HCN1: variants seen among roughly 807,000 people sequenced by gnomAD.
The protein encoded by HCN1 is hyperpolarization activated cyclic nucleotide gated potassium channel 1.
HCN1 carries 13 observed loss-of-function variants against 78.9 expected under a neutral mutation model. The ratio of observed to expected loss-of-function variants is 0.16; its 90% CI spans 0.11 to 0.26. The LOEUF (loss-of-function observed/expected upper bound fraction) is 0.26. Ranked by LOEUF, HCN1 falls within the 10% of genes least tolerant of loss-of-function variation. The pLI is 1.00. For synonymous variants in HCN1, 552 were observed against 455.5 expected, an observed-to-expected ratio of 1.21 and a Z score of -2.70; for missense variants, 810 against 1,154.3, an observed-to-expected ratio of 0.70 and a Z score of 4.32.
At chr5:45,284,454 T>C (rs971597119) in intron 6 of HCN1, among the ~76,000 whole-genome samples, 4 of 152,122 alleles carry the variant, frequency 2.6e-5, no homozygotes, top group Non-Finnish European at 5.9e-5. Context: ...AACAAAAATA[T>C]ATTTAGTTAA....
intron 4 of HCN1, among the ~76,000 whole-genome samples, chr5:45,365,527 A>AT (rs1274265953): frequency 6.6e-6 from 1 of 151,846 alleles, no homozygotes. Context: ...TGATTAAATT[A>AT]TTTTTTATGG....
At chr5:45,296,988 G>A (rs145975241) in intron 6 of HCN1, among the ~76,000 whole-genome samples, 111 of 152,098 alleles carry the variant, frequency 7.3e-4, no homozygotes, top group Middle Eastern at 6.8e-3. Context: ...TAACCCAGTG[G>A]AGCTAGAAGA....
At chr5:45,482,520 T>G (rs1179590434) in intron 2 of HCN1, among the ~76,000 whole-genome samples, 3 of 152,172 alleles carry the variant, frequency 2.0e-5, no homozygotes, top group African/African-American at 7.2e-5. Flanking sequence ...GGACTATCAA[T>G]AAATGTAATA....
At chr5:45,539,948 ATATATATATAT>A (rs1743063255) in intron 2 of HCN1, among the ~76,000 whole-genome samples, 4 of 138,330 alleles carry the variant, frequency 2.9e-5, no homozygotes, top group South Asian at 2.2e-4. Context: ...ATATATATAT[ATATATATATAT>A]AAAATGTTTA....
At chr5:45,490,363 T>C (rs1025454124) in intron 2 of HCN1, among the ~76,000 whole-genome samples, 10 of 152,220 alleles carry the variant, frequency 6.6e-5, no homozygotes, top group Middle Eastern at 3.2e-3. Flanking sequence ...TGGTCCTTCA[T>C]TGATGCCTGA....
intron 5 of HCN1, among the ~76,000 whole-genome samples, chr5:45,323,019 C>A (rs147555215): frequency 6.6e-6 from 1 of 151,748 alleles, no homozygotes; most frequent in South Asian, 2.1e-4. Context: ...ATTTATTTAA[C>A]GTTAACCCAT....
chr5:45,634,725 A>T (rs559097049), intron 2 of HCN1, among the ~76,000 whole-genome samples: 1 of 152,178 alleles, frequency 6.6e-6, no homozygotes, highest in African/African-American at 2.4e-5. Flanking sequence ...TAGATTAAAG[A>T]TTATCTAGAG....
chr5:45,475,285 C>T (rs1321802055), intron 2 of HCN1, among the ~76,000 whole-genome samples: 1 of 151,970 alleles, frequency 6.6e-6, no homozygotes. Context: ...GCATGCTATG[C>T]TAGCAGAATT....
intron 5 of HCN1, among the ~76,000 whole-genome samples, chr5:45,312,285 C>T (rs1745865245): frequency 6.6e-6 from 1 of 152,154 alleles, no homozygotes; most frequent in Non-Finnish European, 1.5e-5. Flanking sequence ...AAGAATGAAA[C>T]AGCATAATAC....
chr5:45,400,550 C>A (rs1156345142), intron 3 of HCN1, among the ~76,000 whole-genome samples: 1 of 151,546 alleles, frequency 6.6e-6, no homozygotes, highest in Admixed American at 6.6e-5. Context: ...TACCACCATG[C>A]CCAGCTAATT....
At chr5:45,363,273 A>G (rs1196035052) in intron 4 of HCN1, among the ~76,000 whole-genome samples, 1 of 151,104 alleles carries the variant, frequency 6.6e-6, no homozygotes, top group East Asian at 2.0e-4. Context: ...CCAATGGTGG[A>G]AAGTCCATCT....
intron 2 of HCN1, among the ~76,000 whole-genome samples, chr5:45,495,517 T>C (rs1742006607): frequency 6.6e-6 from 1 of 151,978 alleles, no homozygotes; most frequent in African/African-American, 2.4e-5. Context: ...CAATGGGGTT[T>C]TCTAGATATA....
intron 2 of HCN1, among the ~76,000 whole-genome samples, chr5:45,634,186 A>G (rs1262296233): frequency 6.6e-6 from 1 of 151,960 alleles, no homozygotes; most frequent in East Asian, 1.9e-4. Context: ...TTCTGCTCAT[A>G]CAAATGAACA....
intron 2 of HCN1, among the ~76,000 whole-genome samples, chr5:45,611,779 C>A (rs1744842635): frequency 6.6e-6 from 1 of 151,912 alleles, no homozygotes; most frequent in African/African-American, 2.4e-5. Flanking sequence ...TAAAATTATT[C>A]TATTTTAGCA....
chr5:45,625,100 C>T (rs1745137394), intron 2 of HCN1, among the ~76,000 whole-genome samples: 2 of 152,048 alleles, frequency 1.3e-5, no homozygotes, highest in South Asian at 4.1e-4. Context: ...CCTGTAACCC[C>T]AGCTCTTTGG....
chr5:45,356,713 GA>G lies in HCN1; in HGVS notation c.1231-3468del, dbSNP rs1395125324. On this transcript the variant is annotated intron_variant, in intron 4 of 7. Coordinates refer to ENST00000303230, the MANE Select transcript of HCN1 (RefSeq NM_021072.4). ...CATGTTTACTATTATTTCTTGTTCA[GA>G]TAACTCTAAGATACTTTACCAGGTG... 2.6e-5 allele frequency among the ~76,000 whole-genome samples: 4 copies of G among 151,856 alleles called. No individual in the cohort carries two copies. The East Asian group carries it at 7.7e-4, about 29-fold the overall frequency.
At chr5:45,289,936 C>T (rs1745337993) in intron 6 of HCN1, among the ~76,000 whole-genome samples, 1 of 151,868 alleles carries the variant, frequency 6.6e-6, no homozygotes, top group Non-Finnish European at 1.5e-5. Flanking sequence ...GGTTCTCTGC[C>T]TGTTTATATT....
chr5:45,683,799 T>C (rs890354639), intron 1 of HCN1, among the ~76,000 whole-genome samples: 2 of 148,932 alleles, frequency 1.3e-5, no homozygotes, highest in African/African-American at 5.2e-5. Flanking sequence ...GCCTCCCAAG[T>C]TGCTGGGACT....
intron 2 of HCN1, among the ~76,000 whole-genome samples, chr5:45,521,691 A>G (rs1407110091): frequency 6.6e-6 from 1 of 151,948 alleles, no homozygotes; most frequent in Non-Finnish European, 1.5e-5. Context: ...AAGTACTAGG[A>G]TTGAGTACTT....
Sources: gnomAD v4.1 joint callset for allele counts (sites outside exome capture counted in the v4.1 genomes callset) on GRCh38, gnomAD v4.1.1 for gene constraint, MANE v1.5 for transcripts, NCBI Gene and HGNC (gene_info 2026-07-23, HGNC 2026-07-21) for gene names.